CFAP20DC: variants seen among roughly 807,000 people sequenced by gnomAD.
CFAP20DC encodes the protein CFAP20 domain containing.
Under a neutral mutation model 101.7 loss-of-function variants are expected in CFAP20DC, and 84 were observed. The ratio of observed to expected loss-of-function variants is 0.83; its 90% CI spans 0.69 to 0.99. The LOEUF (loss-of-function observed/expected upper bound fraction) is 0.99, where lower values mean the gene tolerates loss of function less well. Among genes scored for constraint, CFAP20DC ranks in the 50% least tolerant of loss-of-function variants. CFAP20DC has a pLI of 0.00. For missense variants in CFAP20DC, 1,007 were observed against 970.3 expected (o/e 1.04, Z -0.50); for synonymous variants, 359 against 351.2 (o/e 1.02, Z -0.25).
Position 59,046,320 on chromosome 3 carries a change from C to A in CFAP20DC, c.114G>T (p.Glu38Asp). The A allele has an allele frequency of 2.0e-6, 3 of 1,518,684 alleles. No homozygotes were observed. The highest frequency in any genetic ancestry group is 2.4e-5 in the South Asian group (2 of 81,704). The allele number at this position is 1,518,684 out of a possible 1,614,324, so 94.1% of individuals were successfully genotyped here. The change falls in exon 3 of 17, where the codon GAG (glutamate) becomes GAT (aspartate). Residue 38 changes from glutamate to aspartate, a missense_variant and splice_region_variant. Physicochemically the swap from Glu to Asp is conservative, Grantham distance 45. Transcript: ENST00000482387. ...ILGSPSVIWK[E>D]FDKEVKSFVF... ...CAAAACTTTTAACTTCTTTATCAAA[C>A]TCCTATAGAACAAAATGAAAACAGT... is the stretch of plus-strand genomic sequence containing the variant.
chr3:58,896,949 T>G (rs1421511838), intron 6 of CFAP20DC, among the ~76,000 whole-genome samples: 2 of 152,114 alleles, frequency 1.3e-5, no homozygotes, highest in Non-Finnish European at 2.9e-5. Flanking sequence ...TGTGAATTTT[T>G]TGCTTTGATG....
At chr3:58,965,428 A>G (rs1365982207) in intron 4 of CFAP20DC, among the ~76,000 whole-genome samples, 3 of 152,234 alleles carry the variant, frequency 2.0e-5, no homozygotes, top group Non-Finnish European at 4.4e-5. Context: ...GCATTTAAAC[A>G]GTATTATACC....
intron 6 of CFAP20DC, among the ~76,000 whole-genome samples, chr3:58,898,428 G>A (rs1039363843): frequency 1.1e-4 from 17 of 152,126 alleles, no homozygotes; most frequent in African/African-American, 4.1e-4. Context: ...ACATGCTTTG[G>A]CCTCCCAAAG....
intron 15 of CFAP20DC, among the ~76,000 whole-genome samples, chr3:58,775,856 C>G (rs1171234548): frequency 6.6e-6 from 1 of 151,806 alleles, no homozygotes; most frequent in Non-Finnish European, 1.5e-5. Context: ...AGCGATTCTC[C>G]TGCCTCAGCC....
chr3:58,973,868 G>T (rs550231254), intron 4 of CFAP20DC, among the ~76,000 whole-genome samples: 2 of 152,130 alleles, frequency 1.3e-5, no homozygotes, highest in Non-Finnish European at 2.9e-5. Flanking sequence ...AGGGTCATCA[G>T]TAGGAAGTCC....
chr3:58,863,609 G>A lies in CFAP20DC; in HGVS notation c.1542C>T (p.Ser514=), dbSNP rs1244538114. The A allele has an allele frequency of 1.9e-6, 3 of 1,614,132 alleles. No homozygotes were observed. Among genetic ancestry groups the A allele is most frequent in the Admixed American group, 1.7e-5 (1 of 60,014 alleles). Residue 514 remains serine (S), a synonymous_variant, in exon 12 of 17, where the codon AGC becomes AGT. Transcript: ENST00000482387. This position sits in a 1 kb window ranked among gnomAD's most constrained non-coding sequence, Gnocchi z 5.9. ...LDLKEDNSVT[S]RDTQSEDDFY... ...AATCATCCTCTGATTGGGTGTCTCT[G>A]CTTGTCACACTGTTATCCTCTTTTA...
chr3:58,850,736 C>G (rs751612169), intron 12 of CFAP20DC, among the ~76,000 whole-genome samples: 8 of 152,112 alleles, frequency 5.3e-5, no homozygotes, highest in Non-Finnish European at 8.8e-5. Flanking sequence ...TGGTGTCTGA[C>G]AATGCGTATC....
At chr3:59,043,332 T>C (rs1363877764) in intron 3 of CFAP20DC, among the ~76,000 whole-genome samples, 3 of 151,852 alleles carry the variant, frequency 2.0e-5, no homozygotes, top group Non-Finnish European at 4.4e-5. Flanking sequence ...AGTATGGACA[T>C]CTTGGGTATG....
In CFAP20DC at chr3:58,863,580, T is replaced by TA; in HGVS notation, c.1570dup (p.Tyr524LeufsTer7). The TA allele has an allele frequency of 6.2e-7, 1 of 1,614,160 alleles. No homozygotes were observed. The highest frequency in any genetic ancestry group is 8.5e-7 in the Non-Finnish European group (1 of 1,180,028). On this transcript the variant is annotated frameshift_variant, in exon 12 of 17. Transcript: ENST00000482387. LOFTEE classifies it high-confidence loss of function. This position sits in a 1 kb window ranked among gnomAD's most constrained non-coding sequence, Gnocchi z 5.9. ...TACCTCTTCACTGCTGTCGCCGCCG[T>TA]AAAAATCATCCTCTGATTGGGTGTC...
intron 7 of CFAP20DC, among the ~76,000 whole-genome samples, chr3:58,870,910 A>G (rs1384847646): frequency 6.0e-5 from 9 of 149,904 alleles, no homozygotes; most frequent in Admixed American, 2.0e-4. Context: ...AAAAAAAAAA[A>G]AAAAAAAAAA....
chr3:58,775,721 A>G (rs1218396696), intron 15 of CFAP20DC, among the ~76,000 whole-genome samples: 1 of 150,832 alleles, frequency 6.6e-6, no homozygotes, highest in Non-Finnish European at 1.5e-5. Flanking sequence ...TCAGTCTAAC[A>G]TACTTTTCCT....
At chr3:58,983,768 C>A (rs1354660992) in intron 4 of CFAP20DC, among the ~76,000 whole-genome samples, 1 of 152,132 alleles carries the variant, frequency 6.6e-6, no homozygotes, top group Non-Finnish European at 1.5e-5. Context: ...GTTTAATCTT[C>A]AAGCAACCCC....
At chr3:58,780,078 A>T (rs1460184409) in intron 15 of CFAP20DC, among the ~76,000 whole-genome samples, 1 of 152,100 alleles carries the variant, frequency 6.6e-6, no homozygotes, top group Non-Finnish European at 1.5e-5. Context: ...TGAAAGATTT[A>T]AAAAAACTGT....
Position 58,964,196 on chromosome 3 carries a change from G to T in CFAP20DC, c.279-26434C>A, listed in dbSNP as rs1470832558. Among the ~76,000 whole-genome samples, 1 of 152,122 alleles carries T rather than the reference G, an allele frequency of 6.6e-6. No individual in the cohort carries two copies. The highest frequency in any genetic ancestry group is 2.1e-4 in the South Asian group (1 of 4,812). The stretch of plus-strand genomic sequence containing the variant: ...GATGTCATAACTATAGCTTCAATCG[G>T]ACAAGAGACTGATTTCAATAACCTT... On this transcript the variant is annotated intron_variant, in intron 4 of 16. Transcript: ENST00000482387. The surrounding 1 kb of genome is among the most constrained non-coding windows in gnomAD (Gnocchi z 4.1).
intron 5 of CFAP20DC, among the ~76,000 whole-genome samples, chr3:58,936,167 G>T (rs1429966567): frequency 4.6e-5 from 7 of 152,076 alleles, no homozygotes; most frequent in Non-Finnish European, 1.0e-4. Flanking sequence ...AAACACACAT[G>T]AAAAAATGCT....
chr3:58,936,730 C>T (rs1013445139), intron 5 of CFAP20DC, among the ~76,000 whole-genome samples: 1 of 151,946 alleles, frequency 6.6e-6, no homozygotes, highest in African/African-American at 2.4e-5. Flanking sequence ...ACAATGAGAA[C>T]ACATGGACAC....
At chr3:58,840,319 A>C (rs1192647168) in intron 13 of CFAP20DC, among the ~76,000 whole-genome samples, 1 of 152,200 alleles carries the variant, frequency 6.6e-6, no homozygotes, top group Non-Finnish European at 1.5e-5. Flanking sequence ...CATTCTCACT[A>C]TGGTTAGCAT....
chr3:58,934,324 G>A (rs1033181231), intron 5 of CFAP20DC, among the ~76,000 whole-genome samples: 1 of 152,146 alleles, frequency 6.6e-6, no homozygotes, highest in African/African-American at 2.4e-5. Context: ...TGGACTCACA[G>A]CCGAATTCTA....
Position 58,831,893 on chromosome 3 carries a change from A to C in CFAP20DC, c.1972-4T>G. 1 of 1,613,244 alleles carries C rather than the reference A, an allele frequency of 6.2e-7. No individual in the cohort carries two copies. The highest frequency in any genetic ancestry group is 8.5e-7 in the Non-Finnish European group (1 of 1,179,294). On this transcript the variant is annotated splice_region_variant and splice_polypyrimidine_tract_variant and intron_variant, in intron 13 of 16. Transcript: ENST00000482387. ...GATAGTTTCGCCAGTCATATTCCTG[A>C]CCAAGAGAGAGGAAAATAACAAAGG...
Sources: allele counts gnomAD v4.1 joint callset (sites outside exome capture counted in the v4.1 genomes callset), GRCh38; gene constraint gnomAD v4.1.1; non-coding constraint Gnocchi (gnomAD v3.1); transcripts MANE v1.5; gene names NCBI Gene and HGNC (gene_info 2026-07-23, HGNC 2026-07-21).